TTLL11: variants seen among roughly 807,000 people sequenced by gnomAD.
TTLL11 encodes tubulin polyglutamylase TTLL11.
TTLL11 carries 42 observed loss-of-function variants against 51.7 expected under a neutral mutation model. That is an observed-to-expected ratio of 0.81 (90% CI 0.64 to 1.05). The LOEUF (loss-of-function observed/expected upper bound fraction) is 1.05. Ranked by LOEUF, TTLL11 falls within the 50% of genes least tolerant of loss-of-function variation. TTLL11 has a pLI of 0.00. For synonymous variants in TTLL11, 381 were observed against 383.5 expected (o/e 0.99, Z 0.08); for missense variants, 799 against 940.4 (o/e 0.85, Z 1.97).
chr9:121,825,060 C>T (rs1836707552), intron 8 of TTLL11, among the ~76,000 whole-genome samples: 1 of 152,328 alleles, frequency 6.6e-6, no homozygotes, highest in South Asian at 2.1e-4. Context: ...ATGGGTTTTA[C>T]ACCAGGGTTA....
chr9:121,977,022 CT>C (rs1326291351), intron 4 of TTLL11, among the ~76,000 whole-genome samples: 1 of 152,102 alleles, frequency 6.6e-6, no homozygotes. Context: ...TCAACTCTTA[CT>C]TTTTGGTATA....
Position 121,890,287 on chromosome 9 carries a change from A to C in TTLL11, c.1482-19539T>G, listed in dbSNP as rs1839176899. Among the ~76,000 whole-genome samples the C allele has an allele frequency of 1.3e-5, 2 of 152,112 alleles. No individual in the cohort carries two copies. The highest frequency in any genetic ancestry group is 1.3e-4 in the Admixed American group (2 of 15,270). On this transcript the variant is annotated intron_variant, in intron 6 of 8. Coordinates refer to ENST00000321582, the MANE Select transcript of TTLL11 (RefSeq NM_001139442.2). This position sits in a 1 kb window ranked among gnomAD's most constrained non-coding sequence, Gnocchi z 4.3. ...ACAAGCATCAAGCCAGCCAAGTCCTATCCCTCCTGTCACTGCAGTTCACAC... is the reference window on the plus strand; with the variant it reads ...ACAAGCATCAAGCCAGCCAAGTCCTCTCCCTCCTGTCACTGCAGTTCACAC...
chr9:121,980,145 G>C (rs1842797100), intron 4 of TTLL11, among the ~76,000 whole-genome samples: 1 of 151,822 alleles, frequency 6.6e-6, no homozygotes. Flanking sequence ...GGGTGGAGGA[G>C]AGCATTTGGT....
In TTLL11 at chr9:121,989,834, C is replaced by G; in HGVS notation, c.694-64G>C. Reference sequence around the variant, plus strand: ...TTCCCTCTGGATCCCTAACACAGAGCAAGGCCTTAGCAAATGTGTGGTGAA... The same window carrying G: ...TTCCCTCTGGATCCCTAACACAGAGGAAGGCCTTAGCAAATGTGTGGTGAA... On this transcript the variant is annotated intron_variant, in intron 3 of 8. Transcript: ENST00000321582. This position sits in a 1 kb window ranked among gnomAD's most constrained non-coding sequence, Gnocchi z 4.2. 6.6e-7 allele frequency: 1 copy of G among 1,526,352 alleles called. No individual in the cohort carries two copies. The highest frequency in any genetic ancestry group is 8.8e-7 in the Non-Finnish European group (1 of 1,142,252). 94.6% of individuals were successfully genotyped at this position (1,526,352 alleles called of 1,614,324 possible). A position where few individuals can be genotyped will look rare whatever the true frequency, so the allele number is the denominator to read the frequency against.
Position 121,817,469 on chromosome 9 carries a change from T to A in TTLL11, c.*5118A>T, listed in dbSNP as rs77795569. The stretch of plus-strand genomic sequence containing the variant: ...CCTTCGTTTACAAAACACTTTCACA[T>A]TGATGACATTTTCTGTGATCTCGTC... On this transcript the variant is annotated 3_prime_UTR_variant, in exon 9 of 9. Coordinates refer to ENST00000321582, the MANE Select transcript of TTLL11 (RefSeq NM_001139442.2). 4,272 of 152,364 alleles carry A rather than the reference T, an allele frequency of 0.028. 107 individuals carry two copies. The highest frequency in any genetic ancestry group is 0.041 in the Non-Finnish European group (2,784 of 68,052). 9.4% of individuals were successfully genotyped at this position (152,364 alleles called of 1,614,324 possible).
In TTLL11 at chr9:122,074,512, G is replaced by GT. The variant is rs1034435094; in HGVS notation, c.462+18174dup. Among the ~76,000 whole-genome samples, 14 of 152,126 alleles carry GT rather than the reference G, an allele frequency of 9.2e-5. No individual in the cohort carries two copies. In the East Asian group the frequency reaches 2.5e-3, roughly 27 times the overall value. On this transcript the variant is annotated intron_variant, in intron 1 of 8. Transcript: ENST00000321582. The stretch of plus-strand genomic sequence containing the variant: ...CATCAGATGATTTTATATTTGGGTG[G>GT]TTTTTTTATTTACAACAAGAATTTT...
intron 6 of TTLL11, among the ~76,000 whole-genome samples, chr9:121,934,132 C>T (rs1841100783): frequency 6.6e-6 from 1 of 152,008 alleles, no homozygotes; most frequent in Admixed American, 6.6e-5. Context: ...ACTTGGGAGG[C>T]TGAGGCAGGA....
At chr9:121,875,152 G>A (rs746542888) in intron 6 of TTLL11, among the ~76,000 whole-genome samples, 20 of 152,272 alleles carry the variant, frequency 1.3e-4, no homozygotes, top group Admixed American at 2.6e-4. Context: ...ACTGTCACCA[G>A]TATCTAGTTC....
At chr9:122,061,578 ATT>A (rs1229252984) in intron 1 of TTLL11, among the ~76,000 whole-genome samples, 1 of 152,182 alleles carries the variant, frequency 6.6e-6, no homozygotes, top group Non-Finnish European at 1.5e-5. Context: ...ATGGTAGCTC[ATT>A]GTTATTTTAA....
chr9:121,909,094 G>A (rs1444265326), intron 6 of TTLL11, among the ~76,000 whole-genome samples: 1 of 152,130 alleles, frequency 6.6e-6, no homozygotes, highest in African/African-American at 2.4e-5. Context: ...GTGTTCATAT[G>A]TTCATTCATT....
chr9:122,030,616 A>G (rs55804599), intron 3 of TTLL11, among the ~76,000 whole-genome samples: 8,750 of 152,096 alleles, frequency 0.058, 388 homozygotes, highest in African/African-American at 0.12. Context: ...CAAGATTGCT[A>G]TGAAGATTAA....
At chr9:121,950,799 C>A (rs564267836) in intron 6 of TTLL11, among the ~76,000 whole-genome samples, 1 of 152,162 alleles carries the variant, frequency 6.6e-6, no homozygotes, top group Non-Finnish European at 1.5e-5. Context: ...GGGCTCCTAA[C>A]GACACGAGCT....
chr9:121,823,970 C>T (rs1836665119), intron 8 of TTLL11, among the ~76,000 whole-genome samples: 1 of 152,124 alleles, frequency 6.6e-6, no homozygotes, highest in Non-Finnish European at 1.5e-5. Context: ...CTCTTTGCAG[C>T]ACCGGCTGCG....
rs1037152690 is a variant in TTLL11 at position 121,853,288 on chromosome 9, T to G, written c.1840+7049A>C. 1.3e-5 allele frequency among the ~76,000 whole-genome samples: 2 copies of G among 152,084 alleles called. No individual in the cohort carries two copies. Among genetic ancestry groups the G allele is most frequent in the African/African-American group, 4.8e-5 (2 of 41,416 alleles). On this transcript the variant is annotated intron_variant, in intron 8 of 8. Coordinates refer to ENST00000321582, the MANE Select transcript of TTLL11 (RefSeq NM_001139442.2). This position sits in a 1 kb window ranked among gnomAD's most constrained non-coding sequence, Gnocchi z 5.6. ...CTCTGTTTCCTGGATGTTGGCCTCATGTCGGGGGCAGATGTCCAGGCCCTT... is the reference window on the plus strand; with the variant it reads ...CTCTGTTTCCTGGATGTTGGCCTCAGGTCGGGGGCAGATGTCCAGGCCCTT...
intron 4 of TTLL11, among the ~76,000 whole-genome samples, chr9:121,978,317 A>T (rs1192162720): frequency 2.0e-5 from 3 of 152,158 alleles, no homozygotes; most frequent in African/African-American, 7.2e-5. Context: ...GCTGGCAGAA[A>T]ATCAGGTATT....
Position 121,826,505 on chromosome 9 carries a change from A to ATATATATG in TTLL11, c.1841-3627_1841-3626insCATATATA, listed in dbSNP as rs1564260363. ...TGTATATATATATATGTGTGTGTAT[A>ATATATATG]TATATATATGTATATATATATATGT... On this transcript the variant is annotated intron_variant, in intron 8 of 8. Transcript: ENST00000321582. Among the ~76,000 whole-genome samples, 49 of 74,606 alleles carry ATATATATG rather than the reference A, an allele frequency of 6.6e-4. 2 individuals carry two copies. In the East Asian group the frequency reaches 8.5e-3, roughly 13 times the overall value. The allele number at this position is 74,606 out of a possible 152,430, so 48.9% of individuals were successfully genotyped here. A position where few individuals can be genotyped will look rare whatever the true frequency, so the allele number is the denominator to read the frequency against.
At chr9:121,892,071 CTA>C (rs1275030051) in intron 6 of TTLL11, among the ~76,000 whole-genome samples, 6 of 145,644 alleles carry the variant, frequency 4.1e-5, no homozygotes, top group African/African-American at 1.3e-4. Context: ...AATATATAAA[CTA>C]TATATGTAGT....
At chr9:122,069,989 T>TCA (rs144009501) in intron 1 of TTLL11, among the ~76,000 whole-genome samples, 3,902 of 148,790 alleles carry the variant, frequency 0.026, 67 homozygotes, top group African/African-American at 0.048. Flanking sequence ...GCATAGAGAA[T>TCA]CACACACACA....
intron 6 of TTLL11, among the ~76,000 whole-genome samples, chr9:121,889,123 C>A (rs1839125058): frequency 6.6e-6 from 1 of 152,180 alleles, no homozygotes; most frequent in African/African-American, 2.4e-5. Flanking sequence ...TGCATGGATT[C>A]ATTTAATTCT....
Sources: gnomAD v4.1 joint callset for allele counts (sites outside exome capture counted in the v4.1 genomes callset) on GRCh38, gnomAD v4.1.1 for gene constraint, Gnocchi (gnomAD v3.1) non-coding constraint, MANE v1.5 for transcripts, NCBI Gene and HGNC (gene_info 2026-07-23, HGNC 2026-07-21) for gene names.